SHISA9: variants seen among roughly 807,000 people sequenced by gnomAD.
The protein encoded by SHISA9 is protein shisa-9.
In SHISA9, 13 loss-of-function variants were observed where a neutral mutation model predicts 38.0. The observed-to-expected ratio is 0.34, with a 90% CI of 0.22 to 0.54. The LOEUF is 0.54. Ranked by LOEUF, SHISA9 falls within the 20% of genes least tolerant of loss-of-function variation. SHISA9 has a pLI of 0.91. For missense variants in SHISA9, 538 were observed against 575.8 expected (o/e 0.93, Z 0.67); for synonymous variants, 275 against 242.0 (o/e 1.14, Z -1.27).
At chr16:13,087,375 G>A (rs2073724888) in intron 2 of SHISA9, among the ~76,000 whole-genome samples, 1 of 152,048 alleles carries the variant, frequency 6.6e-6, no homozygotes, top group Non-Finnish European at 1.5e-5. Context: ...GGTAATTCTA[G>A]TTCTAGATCC....
chr16:12,990,619 T>G (rs955242734), intron 2 of SHISA9, among the ~76,000 whole-genome samples: 1 of 152,206 alleles, frequency 6.6e-6, no homozygotes, highest in African/African-American at 2.4e-5. Flanking sequence ...CTGGGGGACA[T>G]GTGGCAATGT....
intron 2 of SHISA9, among the ~76,000 whole-genome samples, chr16:13,201,709 C>T (rs565101758): frequency 7.7e-6 from 1 of 129,574 alleles, no homozygotes; most frequent in Admixed American, 7.8e-5. Context: ...TAAAGTTATC[C>T]CCATGTTGAG....
chr16:13,001,879 A>G (rs762716605), intron 2 of SHISA9, among the ~76,000 whole-genome samples: 8 of 152,214 alleles, frequency 5.3e-5, no homozygotes, highest in Non-Finnish European at 1.0e-4. Flanking sequence ...GGGAGGGTAG[A>G]TGAATAAATA....
At chr16:13,342,581 C>T in the SHISA9 span, among the ~76,000 whole-genome samples, 10 of 152,172 alleles carry the variant, frequency 6.6e-5, no homozygotes, top group Admixed American at 1.3e-4. Context: ...CCTCCACATC[C>T]GGCTCAACTT....
At chr16:12,971,666 T>C (rs11075175) in intron 2 of SHISA9, among the ~76,000 whole-genome samples, 58,309 of 151,882 alleles carry the variant, frequency 0.38, 11,572 homozygotes, top group Middle Eastern at 0.52. Context: ...AGGAACGACA[T>C]ATCGTACCAG....
In SHISA9 at chr16:13,237,289, C is replaced by G. The variant is rs1331418070; in HGVS notation, c.*1880C>G. ...AACAATGCAGTTGATCCCTCTGGGC[C>G]TGAGTCTCCCATCTGAAACATGGGG... On this transcript the variant is annotated 3_prime_UTR_variant, in exon 5 of 5. Coordinates refer to ENST00000558583, the MANE Select transcript of SHISA9 (RefSeq NM_001145204.3). 6.6e-6 allele frequency: 1 copy of G among 152,170 alleles called. No homozygotes were observed. Among genetic ancestry groups the G allele is most frequent in the Non-Finnish European group, 1.5e-5 (1 of 68,030 alleles). The allele number at this position is 152,170 out of a possible 1,614,324, so 9.4% of individuals were successfully genotyped here.
chr16:13,554,174 C>G, the SHISA9 span, among the ~76,000 whole-genome samples: 1 of 151,934 alleles, frequency 6.6e-6, no homozygotes, highest in Middle Eastern at 3.4e-3. Context: ...GAGTCTCTTC[C>G]TCACCTCCAG....
intron 2 of SHISA9, among the ~76,000 whole-genome samples, chr16:13,052,090 T>C (rs1039035219): frequency 1.4e-4 from 22 of 152,138 alleles, no homozygotes; most frequent in African/African-American, 4.8e-4. Flanking sequence ...AATAATTTCT[T>C]ATTGCAAGTC....
the SHISA9 span, among the ~76,000 whole-genome samples, chr16:13,497,282 A>G: frequency 6.6e-6 from 1 of 152,352 alleles, no homozygotes; most frequent in African/African-American, 2.4e-5. Context: ...ACAGTGTGAC[A>G]TTTTGATACA....
chr16:13,179,358 T>C (rs2050758575), intron 2 of SHISA9, among the ~76,000 whole-genome samples: 2 of 152,184 alleles, frequency 1.3e-5, no homozygotes, highest in South Asian at 4.1e-4. Context: ...CTCTGATGTC[T>C]GTTGAGTGCT....
At chr16:13,121,016 G>A (rs992128823) in intron 2 of SHISA9, among the ~76,000 whole-genome samples, 1 of 152,000 alleles carries the variant, frequency 6.6e-6, no homozygotes, top group South Asian at 2.1e-4. Flanking sequence ...CCCACTGCAG[G>A]GCTGGGCAGT....
intron 2 of SHISA9, among the ~76,000 whole-genome samples, chr16:13,080,426 T>C (rs1247855863): frequency 1.3e-5 from 2 of 152,194 alleles, no homozygotes; most frequent in African/African-American, 2.4e-5. Context: ...CTCCAATTTT[T>C]ATCTTAGCCT....
chr16:13,519,014 C>T, the SHISA9 span, among the ~76,000 whole-genome samples: 1 of 152,090 alleles, frequency 6.6e-6, no homozygotes, highest in Non-Finnish European at 1.5e-5. Context: ...CCCCACCTCC[C>T]AGAACTGTTG....
the SHISA9 span, among the ~76,000 whole-genome samples, chr16:13,442,909 T>C: frequency 5.3e-5 from 8 of 152,198 alleles, no homozygotes; most frequent in African/African-American, 1.7e-4. Flanking sequence ...CATTAATAGT[T>C]AAAAGAAAAC....
the SHISA9 span, among the ~76,000 whole-genome samples, chr16:13,554,078 A>C: frequency 3.3e-5 from 5 of 152,282 alleles, no homozygotes; most frequent in African/African-American, 1.2e-4. Context: ...AAAAGTATAA[A>C]AAAAAATAAC....
At chr16:13,046,228 T>C (rs2141893752) in intron 2 of SHISA9, among the ~76,000 whole-genome samples, 2 of 152,322 alleles carry the variant, frequency 1.3e-5, no homozygotes, top group Middle Eastern at 6.8e-3. Context: ...TAGTTGTATT[T>C]GAGCCAGAAG....
chr16:13,174,270 C>A (rs543233676), intron 2 of SHISA9, among the ~76,000 whole-genome samples: 1 of 152,114 alleles, frequency 6.6e-6, no homozygotes. Flanking sequence ...GTTTACCCAA[C>A]AAAAACATGA....
the SHISA9 span, among the ~76,000 whole-genome samples, chr16:13,280,320 C>A: frequency 1.3e-5 from 2 of 151,528 alleles, no homozygotes; most frequent in South Asian, 2.1e-4. Context: ...TATATTATTT[C>A]TTTCTATCTA....
the SHISA9 span, among the ~76,000 whole-genome samples, chr16:13,444,982 CTATATATATA>C: frequency 7.4e-3 from 791 of 106,202 alleles, 5 homozygotes; most frequent in African/African-American, 0.019. Flanking sequence ...CCATGCCTAG[CTATATATATA>C]TATATATATA....
Sources: gnomAD v4.1 joint callset for allele counts (sites outside exome capture counted in the v4.1 genomes callset) on GRCh38, gnomAD v4.1.1 for gene constraint, MANE v1.5 for transcripts, NCBI Gene and HGNC (gene_info 2026-07-23, HGNC 2026-07-21) for gene names.